GALNT9: variants seen among roughly 807,000 people sequenced by gnomAD.
GALNT9 encodes the protein polypeptide N-acetylgalactosaminyltransferase 9.
Under a neutral mutation model 63.1 loss-of-function variants are expected in GALNT9, and 47 were observed. The observed-to-expected ratio is 0.75, with a 90% CI of 0.59 to 0.95. The LOEUF is 0.95. Ranked by LOEUF, GALNT9 falls within the 40% of genes least tolerant of loss-of-function variation. GALNT9 has a pLI of 0.00. For missense variants in GALNT9, 829 were observed against 874.8 expected (o/e 0.95, Z 0.66); for synonymous variants, 396 against 365.7 (o/e 1.08, Z -0.94).
intron 2 of GALNT9, among the ~76,000 whole-genome samples, chr12:132,269,398 G>GA (rs1555240524): frequency 6.6e-6 from 1 of 152,248 alleles, no homozygotes; most frequent in Admixed American, 6.5e-5. Context: ...CGGAGCAGAG[G>GA]AAGGGGCAGG....
intron 1 of GALNT9, among the ~76,000 whole-genome samples, chr12:132,308,544 G>A (rs1831813516): frequency 6.6e-6 from 1 of 152,180 alleles, no homozygotes; most frequent in Non-Finnish European, 1.5e-5. Context: ...CTTGCGGGAT[G>A]TGGGGCAGCC....
intron 2 of GALNT9, among the ~76,000 whole-genome samples, chr12:132,269,464 G>T (rs1879786179): frequency 6.6e-6 from 1 of 152,148 alleles, no homozygotes; most frequent in Non-Finnish European, 1.5e-5. Flanking sequence ...GTCTGGTGCT[G>T]CTGGAAAAAG....
rs961624456 is a variant in GALNT9 at position 132,315,807 on chromosome 12, G to A, written c.238+13159C>T. Among the ~76,000 whole-genome samples, 3 of 152,178 alleles carry A rather than the reference G, an allele frequency of 2.0e-5. No individual in the cohort carries two copies. The highest frequency in any genetic ancestry group is 4.4e-5 in the Non-Finnish European group (3 of 68,038). ...GAGCCACCCACTCATACTCCCCACC[G>A]CGTCACACAGGGTGTGAGTGACACG... is the stretch of plus-strand genomic sequence containing the variant. On this transcript the variant is annotated intron_variant, in intron 1 of 10. Transcript: ENST00000328957. The surrounding 1 kb of genome is among the most constrained non-coding windows in gnomAD (Gnocchi z 6.1).
intron 1 of GALNT9, among the ~76,000 whole-genome samples, chr12:132,291,123 A>G (rs371288740): frequency 2.2e-5 from 1 of 46,270 alleles, no homozygotes; most frequent in Non-Finnish European, 3.9e-5. Flanking sequence ...CATCCACAGC[A>G]CCCACATCCA....
intron 4 of GALNT9, among the ~76,000 whole-genome samples, chr12:132,260,213 T>C (rs1879324222): frequency 6.6e-6 from 1 of 152,084 alleles, no homozygotes; most frequent in Non-Finnish European, 1.5e-5. Flanking sequence ...AGGTGGGGGC[T>C]GCAGCCCTCA....
At chr12:132,283,876 A>G (rs1555241895) in intron 2 of GALNT9, 1 of 151,576 alleles carries the variant, frequency 6.6e-6, no homozygotes, top group African/African-American at 2.4e-5. Context: ...AGGGAAAAGC[A>G]GCCTGTCTGG....
chr12:132,231,223 G>C (rs1221159185), intron 6 of GALNT9, among the ~76,000 whole-genome samples: 1 of 59,648 alleles, frequency 1.7e-5, no homozygotes, highest in African/African-American at 1.1e-4. Context: ...CCACACACTC[G>C]ATGGGGCGAC....
chr12:132,313,595 C>T (rs1253144968), intron 1 of GALNT9, among the ~76,000 whole-genome samples: 5 of 144,802 alleles, frequency 3.5e-5, no homozygotes, highest in African/African-American at 1.3e-4. Flanking sequence ...GCCATCCACC[C>T]ATCCACCCAG....
intron 6 of GALNT9, among the ~76,000 whole-genome samples, chr12:132,228,262 ATCCCTCCCCGGCG>A (rs1877769780): frequency 6.6e-6 from 1 of 151,026 alleles, no homozygotes; most frequent in Non-Finnish European, 1.5e-5. Context: ...TGACACCTGC[ATCCCTCCCCGGCG>A]TCCCTCCCCA....
chr12:132,247,857 G>T (rs1367760226), intron 6 of GALNT9, 53 bp downstream of exon 6: 1 of 1,543,424 alleles, frequency 6.5e-7, no homozygotes, highest in South Asian at 1.2e-5. Context: ...GTTCCCAGAC[G>T]CTGTGGCCTC....
chr12:132,258,032 C>T, intron 4 of GALNT9, 146 bp from the exon 5 acceptor site: 1 of 629,638 alleles, frequency 1.6e-6, no homozygotes, highest in Non-Finnish European at 2.8e-6. Flanking sequence ...CCCACATCCT[C>T]CCTTGGAAGC....
rs1555232981 is a variant in GALNT9 at position 132,198,443 on chromosome 12, G to GCTGGGC, written c.1498-490_1498-485dup. Among the ~76,000 whole-genome samples the GCTGGGC allele has an allele frequency of 4.6e-3, 462 of 99,376 alleles. 2 individuals are homozygous for GCTGGGC. Among genetic ancestry groups the GCTGGGC allele is most frequent in the African/African-American group, 0.017 (433 of 24,814 alleles). 65.2% of individuals were successfully genotyped at this position (99,376 alleles called of 152,430 possible). The stretch of plus-strand genomic sequence containing the variant: ...GTGATTCTGCGGGGCTGGGGCTGGG[G>GCTGGGC]CTGGGCCTGGGCCTGTGCTGCAGGT... On this transcript the variant is annotated intron_variant, in intron 9 of 10. Transcript: ENST00000328957.
At chr12:132,264,987 G>C (rs1338016690) in intron 2 of GALNT9, among the ~76,000 whole-genome samples, 2 of 152,194 alleles carry the variant, frequency 1.3e-5, no homozygotes, top group Non-Finnish European at 2.9e-5. Context: ...TCGTACGAGG[G>C]AGATCCTGCC....
chr12:132,253,392 G>A (rs962319594), intron 5 of GALNT9, among the ~76,000 whole-genome samples: 6 of 151,954 alleles, frequency 3.9e-5, no homozygotes, highest in East Asian at 1.9e-4. Flanking sequence ...AGACACTGGC[G>A]TTACCGCTTG....
intron 2 of GALNT9, chr12:132,280,949 C>T (rs1418356447): frequency 3.3e-5 from 5 of 152,314 alleles, no homozygotes; most frequent in Non-Finnish European, 7.3e-5. Flanking sequence ...GAGGCTCTGC[C>T]TCTAAGCCTT....
intron 1 of GALNT9, among the ~76,000 whole-genome samples, chr12:132,309,344 G>T (rs572396802): frequency 6.6e-6 from 1 of 152,186 alleles, no homozygotes. Flanking sequence ...TCACGCAGCC[G>T]CCCTGGAGGT....
Position 132,262,517 on chromosome 12 carries a change from G to T in GALNT9, c.528C>A (p.Asn176Lys). 3 of 1,551,470 alleles carry T rather than the reference G, an allele frequency of 1.9e-6. No homozygotes were observed. The highest frequency in any genetic ancestry group is 1.7e-6 in the Non-Finnish European group (2 of 1,146,908). ...CCTTGAGGAGCTGGGAGGGCGTGTGGTTGACCACGCTGTGCACGGAGCGCA... is the reference window on the plus strand; with the variant it reads ...CCTTGAGGAGCTGGGAGGGCGTGTGTTTGACCACGCTGTGCACGGAGCGCA... ...VILRSVHSVV[N>K]HTPSQLLKEV... Residue 176 changes from asparagine (N) to lysine (K), a missense_variant, in exon 3 of 11, where the codon AAC becomes AAA. Physicochemically the swap from Asn to Lys is moderately conservative, Grantham distance 94. Coordinates refer to ENST00000328957, the MANE Select transcript of GALNT9 (RefSeq NM_001122636.2).
chr12:132,206,327 G>T (rs147059195), intron 6 of GALNT9, among the ~76,000 whole-genome samples: 29 of 152,312 alleles, frequency 1.9e-4, no homozygotes, highest in African/African-American at 6.5e-4. Context: ...AGCCTTCAAA[G>T]CTCTAGTGCC....
intron 4 of GALNT9, 75 bp downstream of exon 4, chr12:132,260,873 C>T (rs370889405): frequency 2.6e-5 from 37 of 1,442,386 alleles, no homozygotes; most frequent in African/African-American, 1.0e-4. Flanking sequence ...AGGCTGCAGC[C>T]GCACGGCGGC....
Sources: gnomAD v4.1 joint callset for allele counts (sites outside exome capture counted in the v4.1 genomes callset) on GRCh38, gnomAD v4.1.1 for gene constraint, Gnocchi (gnomAD v3.1) non-coding constraint, MANE v1.5 for transcripts, NCBI Gene and HGNC (gene_info 2026-07-23, HGNC 2026-07-21) for gene names.